Variants in CORIN observed in about 807,000 individuals in gnomAD.
CORIN encodes corin, serine peptidase, also known as atrial natriuretic peptide-converting enzyme.
Under a neutral mutation model 125.3 loss-of-function variants are expected in CORIN, and 117 were observed. That is an observed-to-expected ratio of 0.93 (90% CI 0.80 to 1.09). CORIN has a LOEUF of 1.09. Among genes scored for constraint, CORIN ranks in the 50% least tolerant of loss-of-function variants. The pLI, the probability that CORIN is intolerant of heterozygous loss-of-function variation, is 0.00. For synonymous variants in CORIN, 450 were observed against 466.4 expected (o/e 0.96, Z 0.45); for missense variants, 1,253 against 1,306.7 (o/e 0.96, Z 0.63).
intron 5 of CORIN, 41 bp from the exon 6 acceptor site, chr4:47,693,124 GT>G (rs753024373): frequency 1.4e-5 from 18 of 1,284,916 alleles, no homozygotes; most frequent in Admixed American, 1.8e-5. Flanking sequence ...AATAAGATGG[GT>G]TTTTTTTCTT....
rs67123208 is a variant in CORIN at position 47,669,553 on chromosome 4, CTATATA to C, written c.1358-4296_1358-4291del. On this transcript the variant is annotated intron_variant, in intron 10 of 21. Transcript: ENST00000273857. Reference sequence around the variant, plus strand: ...TCAACTGTCTCACTTCCTTGCTCTTCTATATATATATATATATGCTTTTTTTTTTTT... The same window carrying C: ...TCAACTGTCTCACTTCCTTGCTCTTCTATATATATATGCTTTTTTTTTTTT... Among the ~76,000 whole-genome samples the C allele has an allele frequency of 1.2e-4, 18 of 144,614 alleles. No individual in the cohort carries two copies. In the Admixed American group the frequency reaches 1.2e-3, roughly 10 times the overall value. 94.9% of individuals were successfully genotyped at this position (144,614 alleles called of 152,430 possible).
chr4:47,754,523 T>C (rs1400927437), intron 4 of CORIN, among the ~76,000 whole-genome samples: 1 of 152,106 alleles, frequency 6.6e-6, no homozygotes, highest in Non-Finnish European at 1.5e-5. Context: ...TCCTTAATGT[T>C]TCCATTTATT....
At chr4:47,820,678 C>T (rs1385657725) in intron 1 of CORIN, among the ~76,000 whole-genome samples, 7 of 151,788 alleles carry the variant, frequency 4.6e-5, no homozygotes, top group Admixed American at 4.6e-4. Flanking sequence ...TGCCCCCTGC[C>T]CGAAAAATGA....
At chr4:47,741,821 G>GT (rs1170238765) in intron 5 of CORIN, among the ~76,000 whole-genome samples, 2 of 151,934 alleles carry the variant, frequency 1.3e-5, no homozygotes, top group African/African-American at 4.8e-5. Flanking sequence ...GTCCCATACT[G>GT]TATGATTTAA....
rs570737618 is a variant in CORIN at position 47,779,819 on chromosome 4, C to G, written c.409+6906G>C. Among the ~76,000 whole-genome samples, 147 of 152,258 alleles carry G rather than the reference C, an allele frequency of 9.7e-4. 2 individuals carry two copies. The highest frequency in any genetic ancestry group is 3.4e-3 in the Middle Eastern group (1 of 294). On this transcript the variant is annotated intron_variant, in intron 3 of 21. Coordinates refer to ENST00000273857, the MANE Select transcript of CORIN (RefSeq NM_006587.4). ...CATAAAACTAAGAAGAAAGAACAAC[C>G]TAAGGGTTTTGAATTGGTGCGTAAG...
At chr4:47,668,526 C>G (rs1364794175) in intron 10 of CORIN, among the ~76,000 whole-genome samples, 1 of 152,180 alleles carries the variant, frequency 6.6e-6, no homozygotes, top group Non-Finnish European at 1.5e-5. Context: ...TAACTCTATG[C>G]TTTTTTCCTG....
chr4:47,595,779 GAC>G lies in CORIN; in HGVS notation c.3069_3070del (p.Ser1024IlefsTer7). The G allele has an allele frequency of 6.2e-7, 1 of 1,613,324 alleles. No individual in the cohort carries two copies. Among genetic ancestry groups the G allele is most frequent in the African/African-American group, 1.3e-5 (1 of 74,946 alleles). On this transcript the variant is annotated frameshift_variant, in exon 22 of 22. Transcript: ENST00000273857. LOFTEE classifies it high-confidence loss of function. ...TCTTTTAATCCATTCGACGAAATAT[GAC>G]ACATTACTATAAACGCCAGGCCCCA... is the stretch of plus-strand genomic sequence containing the variant.
intron 1 of CORIN, among the ~76,000 whole-genome samples, chr4:47,816,673 C>G (rs1264346149): frequency 2.6e-5 from 4 of 152,114 alleles, no homozygotes; most frequent in African/African-American, 9.7e-5. Context: ...CAATGAGCCT[C>G]AAAGCACATG....
At chr4:47,678,226 A>G (rs1725115949) in intron 8 of CORIN, among the ~76,000 whole-genome samples, 172 bp from the exon 9 acceptor site, 1 of 152,220 alleles carries the variant, frequency 6.6e-6, no homozygotes, top group Non-Finnish European at 1.5e-5. Flanking sequence ...CTTATTGAAC[A>G]GCACTTACCA....
intron 16 of CORIN, among the ~76,000 whole-genome samples, chr4:47,630,095 C>A (rs1228746033): frequency 6.6e-6 from 1 of 152,144 alleles, no homozygotes; most frequent in Non-Finnish European, 1.5e-5. Flanking sequence ...AATCTCTGCA[C>A]ACATAGGTTT....
intron 12 of CORIN, among the ~76,000 whole-genome samples, chr4:47,657,260 G>A (rs527598855): frequency 6.6e-6 from 1 of 152,126 alleles, no homozygotes; most frequent in Non-Finnish European, 1.5e-5. Flanking sequence ...CCAGCCAGGC[G>A]TGGTGGCTCA....
chr4:47,610,655 T>C (rs1427364811), intron 19 of CORIN, among the ~76,000 whole-genome samples: 2 of 152,158 alleles, frequency 1.3e-5, no homozygotes, highest in African/African-American at 4.8e-5. Flanking sequence ...TTTTGTCATG[T>C]AATCTTTCCC....
At chr4:47,815,022 C>T (rs866222279) in intron 1 of CORIN, among the ~76,000 whole-genome samples, 1 of 152,094 alleles carries the variant, frequency 6.6e-6, no homozygotes, top group Non-Finnish European at 1.5e-5. Flanking sequence ...CACCATATAA[C>T]ATTAGTGTTT....
At chr4:47,607,106 C>T (rs1446312130) in intron 19 of CORIN, among the ~76,000 whole-genome samples, 2 of 152,090 alleles carry the variant, frequency 1.3e-5, no homozygotes, top group Non-Finnish European at 2.9e-5. Flanking sequence ...AAATTAGTGT[C>T]AATAAAACTG....
At chr4:47,596,719 G>A (rs573378172) in intron 21 of CORIN, among the ~76,000 whole-genome samples, 22 of 152,302 alleles carry the variant, frequency 1.4e-4, no homozygotes, top group African/African-American at 5.3e-4. Context: ...AATTCATTGT[G>A]GAAGGTTACA....
chr4:47,675,719 GA>G (rs1724985173), intron 9 of CORIN, among the ~76,000 whole-genome samples: 1 of 152,086 alleles, frequency 6.6e-6, no homozygotes, highest in Admixed American at 6.6e-5. Context: ...CTGCTTTATG[GA>G]AGACATATTT....
intron 3 of CORIN, among the ~76,000 whole-genome samples, chr4:47,784,059 C>T (rs549984694): frequency 6.6e-6 from 1 of 152,190 alleles, no homozygotes; most frequent in South Asian, 2.1e-4. Flanking sequence ...ATACTGGATA[C>T]ATCAACTAAT....
rs1224313181 is a variant in CORIN at position 47,807,019 on chromosome 4, C to T, written c.92G>A (p.Gly31Asp). ...CGCCAGCTTCTGAGAGCAGCCATTG[C>T]CCATGTTATTGTCATCAGCTCTCAA... ...PVLRADDNNM[G>D]NGCSQKLATA... Residue 31 changes from glycine to aspartate, a missense_variant, in exon 2 of 22, where the codon GGC becomes GAC. By Grantham distance (94) the Gly-to-Asp change is moderately conservative. Coordinates refer to ENST00000273857, the MANE Select transcript of CORIN (RefSeq NM_006587.4). 1 of 1,613,576 alleles carries T rather than the reference C, an allele frequency of 6.2e-7. No homozygotes were observed. Among genetic ancestry groups the T allele is most frequent in the Non-Finnish European group, 8.5e-7 (1 of 1,179,812 alleles).
At chr4:47,752,632 A>C (rs1728953627) in intron 4 of CORIN, among the ~76,000 whole-genome samples, 1 of 152,174 alleles carries the variant, frequency 6.6e-6, no homozygotes, top group Admixed American at 6.5e-5. Context: ...CTACAGACTG[A>C]GGGTCTTGTT....
Sources: allele counts gnomAD v4.1 joint callset (sites outside exome capture counted in the v4.1 genomes callset), GRCh38; gene constraint gnomAD v4.1.1; transcripts MANE v1.5; gene names NCBI Gene and HGNC (gene_info 2026-07-23, HGNC 2026-07-21).